The following AOPEP variants were observed in gnomAD, a reference collection of about 807,000 sequenced individuals.
AOPEP encodes the protein aminopeptidase O (putative), also known as aminopeptidase O.
In AOPEP, 77 loss-of-function variants were observed where a neutral mutation model predicts 98.1. That is an observed-to-expected ratio of 0.78 (90% CI 0.65 to 0.95). The LOEUF (loss-of-function observed/expected upper bound fraction) is 0.95. Ranked by LOEUF, AOPEP falls within the 40% of genes least tolerant of loss-of-function variation. AOPEP has a pLI of 0.00. For synonymous variants in AOPEP, 346 were observed against 365.3 expected, an observed-to-expected ratio of 0.95 and a Z score of 0.60; for missense variants, 1,024 against 1,024.7, an observed-to-expected ratio of 1.00 and a Z score of 0.01.
At chr9:95,025,384 C>T (rs1048368561) in intron 13 of AOPEP, among the ~76,000 whole-genome samples, 5 of 152,238 alleles carry the variant, frequency 3.3e-5, no homozygotes, top group African/African-American at 1.2e-4. Flanking sequence ...ATTGCTACTT[C>T]CTTGTCCACA....
rs1589128350 is a variant in AOPEP at position 94,972,134 on chromosome 9, T to G, written c.1916+4333T>G. ...CAGGGACGGTGACCGTGGTGGTGGGTTTGAGAGTAAATAACGGCCAAGGCA... is the reference window on the plus strand; with the variant it reads ...CAGGGACGGTGACCGTGGTGGTGGGGTTGAGAGTAAATAACGGCCAAGGCA... On this transcript the variant is annotated intron_variant, in intron 10 of 16. Transcript: ENST00000375315. The surrounding 1 kb of genome is among the most constrained non-coding windows in gnomAD (Gnocchi z 4.2). Among the ~76,000 whole-genome samples the G allele has an allele frequency of 6.6e-6, 1 of 151,872 alleles. No homozygotes were observed. The highest frequency in any genetic ancestry group is 2.4e-5 in the African/African-American group (1 of 41,304).
chr9:95,107,273 G>C, the AOPEP span: 8 of 1,613,288 alleles, frequency 5.0e-6, no homozygotes, highest in Non-Finnish European at 1.7e-6. Context: ...CCTGGACCTG[G>C]GCAATAGTAT....
At chr9:94,850,295 A>T (rs1223215651) in intron 5 of AOPEP, among the ~76,000 whole-genome samples, 3 of 152,164 alleles carry the variant, frequency 2.0e-5, no homozygotes, top group Non-Finnish European at 4.4e-5. Context: ...GAACTTATTG[A>T]ATGTCTAATT....
intron 14 of AOPEP, among the ~76,000 whole-genome samples, chr9:95,075,340 T>C (rs2068935737): frequency 6.6e-6 from 1 of 152,192 alleles, no homozygotes; most frequent in South Asian, 2.1e-4. Flanking sequence ...CCATGAAACA[T>C]TAAACATCAA....
At chr9:94,985,875 C>T (rs2060484053) in intron 11 of AOPEP, among the ~76,000 whole-genome samples, 1 of 152,228 alleles carries the variant, frequency 6.6e-6, no homozygotes, top group Non-Finnish European at 1.5e-5. Flanking sequence ...ATCACAGTCA[C>T]TTCCGTTCAT....
chr9:95,051,515 A>C (rs1367959132), intron 13 of AOPEP, among the ~76,000 whole-genome samples: 1 of 152,146 alleles, frequency 6.6e-6, no homozygotes, highest in Non-Finnish European at 1.5e-5. Flanking sequence ...GAGTTTTTGC[A>C]CATAAAGCAA....
chr9:94,812,645 G>A (rs997947589), intron 5 of AOPEP, among the ~76,000 whole-genome samples: 18 of 152,094 alleles, frequency 1.2e-4, no homozygotes, highest in Non-Finnish European at 4.4e-5. Flanking sequence ...GAGAATGTAG[G>A]AGAAGCAGAG....
chr9:95,000,170 GAC>G (rs2061475271), intron 11 of AOPEP, among the ~76,000 whole-genome samples: 1 of 152,122 alleles, frequency 6.6e-6, no homozygotes, highest in Non-Finnish European at 1.5e-5. Flanking sequence ...TTAAGAGAGA[GAC>G]AAAATGGGCA....
At chr9:94,929,285 C>G (rs534236632) in intron 7 of AOPEP, among the ~76,000 whole-genome samples, 1 of 152,312 alleles carries the variant, frequency 6.6e-6, no homozygotes, top group East Asian at 1.9e-4. Context: ...CCTCTCCTCG[C>G]CTGTTCTTAG....
At chr9:95,002,589 C>T (rs146737096) in intron 11 of AOPEP, among the ~76,000 whole-genome samples, 21 of 152,288 alleles carry the variant, frequency 1.4e-4, no homozygotes, top group African/African-American at 4.8e-4. Context: ...ACTCTGCTTT[C>T]TGCTCAGTTT....
intron 13 of AOPEP, among the ~76,000 whole-genome samples, chr9:95,030,231 T>C (rs2064180023): frequency 6.6e-6 from 1 of 152,232 alleles, no homozygotes; most frequent in Non-Finnish European, 1.5e-5. Context: ...AGTATTTTGA[T>C]TGTCTTTTAA....
At chr9:94,859,594 G>A (rs542180742) in intron 5 of AOPEP, among the ~76,000 whole-genome samples, 1 of 152,160 alleles carries the variant, frequency 6.6e-6, no homozygotes, top group Non-Finnish European at 1.5e-5. Context: ...CTTTTGGGGA[G>A]CTGTTTTTCA....
chr9:95,019,591 T>G (rs2063297044), intron 13 of AOPEP: 1 of 152,242 alleles, frequency 6.6e-6, no homozygotes, highest in South Asian at 2.1e-4. Context: ...GTTACCCTTT[T>G]GCTAAACACA....
intron 5 of AOPEP, among the ~76,000 whole-genome samples, chr9:94,868,450 G>T (rs2045953032): frequency 6.6e-6 from 1 of 152,180 alleles, no homozygotes; most frequent in South Asian, 2.1e-4. Flanking sequence ...CCCGTGCATT[G>T]AGGGTCCACT....
At chr9:94,796,185 G>A (rs996432450) in intron 4 of AOPEP, among the ~76,000 whole-genome samples, 7 of 152,206 alleles carry the variant, frequency 4.6e-5, no homozygotes, top group Non-Finnish European at 8.8e-5. Context: ...AGGGAAGCGC[G>A]TCTTTCCATG....
chr9:94,831,788 A>G (rs1165529243), intron 5 of AOPEP, among the ~76,000 whole-genome samples: 2 of 151,888 alleles, frequency 1.3e-5, no homozygotes, highest in Admixed American at 1.3e-4. Context: ...CTACAAAGAG[A>G]AAAAATACCT....
At chr9:94,876,566 C>T (rs568889411) in intron 5 of AOPEP, among the ~76,000 whole-genome samples, 3 of 152,174 alleles carry the variant, frequency 2.0e-5, no homozygotes, top group East Asian at 3.9e-4. Flanking sequence ...GAGGTTTCAC[C>T]GTGTTAGCCA....
intron 5 of AOPEP, among the ~76,000 whole-genome samples, chr9:94,914,269 G>T (rs1172128352): frequency 6.6e-6 from 1 of 152,144 alleles, no homozygotes; most frequent in Non-Finnish European, 1.5e-5. Flanking sequence ...GCAGGGAGAC[G>T]GGAGGGAGAA....
intron 5 of AOPEP, among the ~76,000 whole-genome samples, chr9:94,909,687 C>T (rs981453011): frequency 9.9e-5 from 15 of 152,204 alleles, no homozygotes; most frequent in East Asian, 1.9e-4. Context: ...GGGTGGCATA[C>T]GCTGATGTCT....
Sources: allele counts gnomAD v4.1 joint callset (sites outside exome capture counted in the v4.1 genomes callset), GRCh38; gene constraint gnomAD v4.1.1; non-coding constraint Gnocchi (gnomAD v3.1); transcripts MANE v1.5; gene names NCBI Gene and HGNC (gene_info 2026-07-23, HGNC 2026-07-21).